Variants in DACH1 observed in about 807,000 individuals in gnomAD.
DACH1 encodes the protein dachshund family transcription factor 1.
In DACH1, 12 loss-of-function variants were observed where a neutral mutation model predicts 54.2. The observed-to-expected ratio is 0.22, with a 90% confidence interval of 0.14 to 0.36. The LOEUF (loss-of-function observed/expected upper bound fraction) is 0.36. Among genes scored for constraint, DACH1 ranks in the 10% least tolerant of loss-of-function variants. The pLI is 1.00. For synonymous variants in DACH1, 386 were observed against 366.2 expected (o/e 1.05, Z -0.62); for missense variants, 805 against 929.8 (o/e 0.87, Z 1.75).
intron 1 of DACH1, among the ~76,000 whole-genome samples, chr13:71,766,282 C>T (rs1465337668): frequency 6.6e-6 from 1 of 152,164 alleles, no homozygotes; most frequent in Non-Finnish European, 1.5e-5. Context: ...TCACCTGTAG[C>T]CTTTAAGTAC....
chr13:71,458,895 T>C (rs1875822748), intron 10 of DACH1, among the ~76,000 whole-genome samples: 1 of 151,918 alleles, frequency 6.6e-6, no homozygotes, highest in Non-Finnish European at 1.5e-5. Flanking sequence ...TTTGTTTCTG[T>C]ATATCCCACT....
At chr13:71,794,717 C>T (rs938337897) in intron 1 of DACH1, among the ~76,000 whole-genome samples, 4 of 152,134 alleles carry the variant, frequency 2.6e-5, no homozygotes, top group Non-Finnish European at 4.4e-5. Context: ...GGATTACAGG[C>T]GTGAGCCACC....
rs559546684 is a variant in DACH1 at position 71,681,783 on chromosome 13, T to C, written c.964+12A>G. 4.4e-5 allele frequency: 70 copies of C among 1,594,842 alleles called. No homozygotes were observed. The highest frequency in any genetic ancestry group is 5.6e-5 in the Non-Finnish European group (65 of 1,169,290). ...TTTAATATTTTTTGGCATAAGTGAG[T>C]AGCAGTCTTACCTGTTGGTGGAATT... On this transcript the variant is annotated intron_variant, in intron 2 of 10. Transcript: ENST00000613252.
intron 2 of DACH1, among the ~76,000 whole-genome samples, chr13:71,669,654 A>G (rs1041342050): frequency 6.6e-6 from 1 of 152,178 alleles, no homozygotes; most frequent in African/African-American, 2.4e-5. Flanking sequence ...TTCGCTTACT[A>G]TGTTCTTCAC....
chr13:71,514,452 T>A (rs765525028), intron 6 of DACH1, among the ~76,000 whole-genome samples: 7 of 151,870 alleles, frequency 4.6e-5, no homozygotes, highest in Non-Finnish European at 5.9e-5. Flanking sequence ...TATTTCTGCA[T>A]CTTCTGCTAC....
chr13:71,806,026 C>T (rs1262283705), intron 1 of DACH1, among the ~76,000 whole-genome samples: 5 of 152,080 alleles, frequency 3.3e-5, no homozygotes, highest in Non-Finnish European at 7.4e-5. Flanking sequence ...AGGCTAGTCT[C>T]GAACTCCCGA....
chr13:71,546,930 G>C (rs1593869667), intron 6 of DACH1, among the ~76,000 whole-genome samples: 1 of 151,874 alleles, frequency 6.6e-6, no homozygotes, highest in African/African-American at 2.4e-5. Flanking sequence ...TTATTAGTTG[G>C]TCTAATGTAT....
chr13:71,482,283 G>A (rs536485741), intron 7 of DACH1, among the ~76,000 whole-genome samples: 76 of 151,596 alleles, frequency 5.0e-4, no homozygotes, highest in African/African-American at 1.6e-3. Flanking sequence ...CAGTTGATAC[G>A]GCTTAGAAAG....
chr13:71,825,060 T>G (rs1396098077), intron 1 of DACH1, among the ~76,000 whole-genome samples: 1 of 152,058 alleles, frequency 6.6e-6, no homozygotes, highest in African/African-American at 2.4e-5. Context: ...AGAGAGCTAT[T>G]AATTTATTAA....
At chr13:71,519,222 A>G (rs553383199) in intron 6 of DACH1, among the ~76,000 whole-genome samples, 11 of 151,994 alleles carry the variant, frequency 7.2e-5, no homozygotes, top group Admixed American at 4.6e-4. Context: ...TATTTAACCC[A>G]TAACAAATGT....
intron 10 of DACH1, among the ~76,000 whole-genome samples, chr13:71,471,935 A>C (rs1877120644): frequency 6.6e-6 from 1 of 152,024 alleles, no homozygotes; most frequent in South Asian, 2.1e-4. Flanking sequence ...GTTTTGAGGG[A>C]TATTTACTGA....
intron 1 of DACH1, among the ~76,000 whole-genome samples, chr13:71,778,115 T>C (rs1189101036): frequency 6.7e-6 from 1 of 149,810 alleles, no homozygotes; most frequent in Non-Finnish European, 1.5e-5. Context: ...AATAAATAAA[T>C]AAATAAATAA....
At chr13:71,743,659 C>T (rs139426011) in intron 1 of DACH1, among the ~76,000 whole-genome samples, 1,608 of 152,234 alleles carry the variant, frequency 0.011, 12 homozygotes, top group Non-Finnish European at 0.016. Context: ...ATTCCTTAGA[C>T]AATTTGTGTT....
At chr13:71,603,645 A>G (rs1463775752) in intron 3 of DACH1, among the ~76,000 whole-genome samples, 2 of 152,018 alleles carry the variant, frequency 1.3e-5, no homozygotes, top group African/African-American at 4.8e-5. Context: ...AATAGTGTCT[A>G]GTTTATACAA....
At chr13:71,770,798 A>G (rs771834353) in intron 1 of DACH1, among the ~76,000 whole-genome samples, 7 of 151,510 alleles carry the variant, frequency 4.6e-5, no homozygotes, top group Admixed American at 3.3e-4. Flanking sequence ...GAACTCAAAG[A>G]CTTATGGCAA....
intron 1 of DACH1, among the ~76,000 whole-genome samples, chr13:71,698,054 C>G (rs757468448): frequency 6.6e-6 from 1 of 151,832 alleles, no homozygotes; most frequent in African/African-American, 2.4e-5. Flanking sequence ...TGAAATAAAG[C>G]GACAAAGAAG....
At chr13:71,749,330 G>T (rs1203361073) in intron 1 of DACH1, among the ~76,000 whole-genome samples, 1 of 151,932 alleles carries the variant, frequency 6.6e-6, no homozygotes, top group Non-Finnish European at 1.5e-5. Flanking sequence ...CAAGCACTTT[G>T]TGTGTAAATT....
At chr13:71,812,422 G>T (rs752881341) in intron 1 of DACH1, among the ~76,000 whole-genome samples, 2 of 152,116 alleles carry the variant, frequency 1.3e-5, no homozygotes, top group Non-Finnish European at 2.9e-5. Flanking sequence ...TTATCTTGAT[G>T]AATTCAGATT....
intron 2 of DACH1, among the ~76,000 whole-genome samples, chr13:71,669,611 T>C (rs1390719424): frequency 6.6e-6 from 1 of 152,086 alleles, no homozygotes; most frequent in Non-Finnish European, 1.5e-5. Flanking sequence ...ACAAAACCAG[T>C]CCCTGGTGCC....
Sources: gnomAD v4.1 joint callset for allele counts (sites outside exome capture counted in the v4.1 genomes callset) on GRCh38, gnomAD v4.1.1 for gene constraint, MANE v1.5 for transcripts, NCBI Gene and HGNC (gene_info 2026-07-23, HGNC 2026-07-21) for gene names.